The following BBS9 variants were observed in gnomAD, a reference collection of about 807,000 sequenced individuals.
BBS9 encodes Bardet-Biedl syndrome 9.
A neutral mutation model predicts 117.7 loss-of-function variants in BBS9; 89 were observed. The observed-to-expected ratio is 0.76, with a 90% CI of 0.64 to 0.90. The LOEUF is 0.90. Among genes scored for constraint, BBS9 ranks in the 40% least tolerant of loss-of-function variants. The pLI is 0.00. For missense variants in BBS9, 982 were observed against 1,042.2 expected (o/e 0.94, Z 0.80); for synonymous variants, 379 against 370.9 (o/e 1.02, Z -0.25).
intron 11 of BBS9, among the ~76,000 whole-genome samples, chr7:33,341,991 CA>C (rs1816665964): frequency 6.6e-6 from 1 of 151,914 alleles, no homozygotes; most frequent in South Asian, 2.1e-4. Context: ...AACAGATGAT[CA>C]ATTTAGGGAA....
chr7:33,583,754 G>A (rs2598391), intron 21 of BBS9, among the ~76,000 whole-genome samples: 61,578 of 151,906 alleles, frequency 0.41, 17,290 homozygotes, highest in African/African-American at 0.8. Flanking sequence ...TTAGAGCCAC[G>A]TTTTTGGTTG....
chr7:33,542,545 A>G (rs1454323362), intron 21 of BBS9, among the ~76,000 whole-genome samples: 1 of 152,112 alleles, frequency 6.6e-6, no homozygotes, highest in African/African-American at 2.4e-5. Context: ...GTGTCCTCAT[A>G]GCTTAGCTCC....
At chr7:33,236,561 C>T (rs956197651) in intron 5 of BBS9, among the ~76,000 whole-genome samples, 1 of 151,672 alleles carries the variant, frequency 6.6e-6, no homozygotes, top group African/African-American at 2.4e-5. Flanking sequence ...ATAAATCTAC[C>T]TCATCATTTA....
intron 16 of BBS9, among the ~76,000 whole-genome samples, chr7:33,358,516 G>A (rs1172207897): frequency 6.6e-6 from 1 of 151,820 alleles, no homozygotes; most frequent in Non-Finnish European, 1.5e-5. Context: ...TTGTTTAGAA[G>A]GGTTTCATAT....
rs12669848 is a variant in BBS9 at position 33,396,400 on chromosome 7, G to C, written c.2115+8256G>C. 0.02 allele frequency among the ~76,000 whole-genome samples: 2,991 copies of C among 152,098 alleles called. 197 individuals are homozygous for C. In the East Asian group the frequency reaches 0.26, roughly 13 times the overall value. On this transcript the variant is annotated intron_variant, in intron 19 of 22. Coordinates refer to ENST00000242067, the MANE Select transcript of BBS9 (RefSeq NM_198428.3). ...ACTGAAAAAAGCAGATTATGAAATAGTATATAATAAGTTACAAATAATGAA... is the reference window on the plus strand; with the variant it reads ...ACTGAAAAAAGCAGATTATGAAATACTATATAATAAGTTACAAATAATGAA...
intron 5 of BBS9, among the ~76,000 whole-genome samples, chr7:33,210,801 C>A (rs1787865146): frequency 6.6e-6 from 1 of 152,140 alleles, no homozygotes; most frequent in South Asian, 2.1e-4. Flanking sequence ...GGATTACAGG[C>A]ATGAGCCACC....
chr7:33,216,866 C>T (rs375852914), intron 5 of BBS9, among the ~76,000 whole-genome samples: 7 of 152,208 alleles, frequency 4.6e-5, no homozygotes, highest in Admixed American at 2.0e-4. Flanking sequence ...GAGGCCGAGG[C>T]GGGTGGATCA....
chr7:33,208,884 C>A (rs1787475106), intron 5 of BBS9, among the ~76,000 whole-genome samples: 1 of 151,796 alleles, frequency 6.6e-6, no homozygotes, highest in Admixed American at 6.6e-5. Flanking sequence ...TATATGCATA[C>A]AATGCATAAT....
At chr7:33,461,685 G>A (rs1839491689) in intron 19 of BBS9, among the ~76,000 whole-genome samples, 1 of 151,970 alleles carries the variant, frequency 6.6e-6, no homozygotes, top group Non-Finnish European at 1.5e-5. Flanking sequence ...AAATTAGGCT[G>A]AGTGTTCAAT....
chr7:33,374,125 GT>G (rs1473367891), intron 17 of BBS9, among the ~76,000 whole-genome samples: 1 of 152,140 alleles, frequency 6.6e-6, no homozygotes, highest in East Asian at 1.9e-4. Context: ...ATAGAAGCAT[GT>G]TTTTTAGTGC....
chr7:33,219,147 C>T (rs1211211152), intron 5 of BBS9, among the ~76,000 whole-genome samples: 1 of 152,186 alleles, frequency 6.6e-6, no homozygotes. Context: ...TATACTGGGT[C>T]CCCCAGCAGT....
chr7:33,329,148 C>A (rs1813459040), intron 9 of BBS9, among the ~76,000 whole-genome samples: 2 of 152,038 alleles, frequency 1.3e-5, no homozygotes, highest in Admixed American at 6.6e-5. Context: ...AGCCTCCTGC[C>A]TATCTGGGAT....
At chr7:33,172,053 G>A (rs901876288) in intron 4 of BBS9, among the ~76,000 whole-genome samples, 1 of 152,042 alleles carries the variant, frequency 6.6e-6, no homozygotes, top group Non-Finnish European at 1.5e-5. Flanking sequence ...ATTGGGCTTG[G>A]TTCTGGCTTG....
At chr7:33,382,603 G>T (rs1162194893) in intron 17 of BBS9, among the ~76,000 whole-genome samples, 1 of 152,156 alleles carries the variant, frequency 6.6e-6, no homozygotes, top group Non-Finnish European at 1.5e-5. Flanking sequence ...AATTCAGGAA[G>T]ACACAATGTT....
intron 19 of BBS9, among the ~76,000 whole-genome samples, chr7:33,403,835 A>T (rs1254719323): frequency 6.6e-6 from 1 of 152,110 alleles, no homozygotes; most frequent in African/African-American, 2.4e-5. Context: ...ATACCCAGTA[A>T]TGGGATGGCT....
chr7:33,384,187 T>C (rs78174821), intron 18 of BBS9, among the ~76,000 whole-genome samples: 1 of 152,204 alleles, frequency 6.6e-6, no homozygotes, highest in Non-Finnish European at 1.5e-5. Flanking sequence ...AGGCCATAAA[T>C]GAGGTGTGAT....
chr7:33,305,101 C>G (rs1807598191), intron 9 of BBS9, among the ~76,000 whole-genome samples: 2 of 151,184 alleles, frequency 1.3e-5, no homozygotes, highest in Non-Finnish European at 1.5e-5. Context: ...CCACATCCCC[C>G]TCTCCGAGAA....
At chr7:33,467,553 G>A (rs924274664) in intron 19 of BBS9, among the ~76,000 whole-genome samples, 4 of 102,330 alleles carry the variant, frequency 3.9e-5, no homozygotes, top group East Asian at 2.7e-4. Flanking sequence ...CACCAGTGCT[G>A]TGGGAACCCC....
chr7:33,511,768 CAG>C (rs1427825013), intron 20 of BBS9, among the ~76,000 whole-genome samples: 1 of 152,106 alleles, frequency 6.6e-6, no homozygotes, highest in African/African-American at 2.4e-5. Context: ...TGTGAGAAAA[CAG>C]ATGTTTATAA....
Sources: gnomAD v4.1 joint callset for allele counts (sites outside exome capture counted in the v4.1 genomes callset) on GRCh38, gnomAD v4.1.1 for gene constraint, MANE v1.5 for transcripts, NCBI Gene and HGNC (gene_info 2026-07-23, HGNC 2026-07-21) for gene names.